YLPM1: variants seen among roughly 807,000 people sequenced by gnomAD.
YLPM1 encodes YLP motif-containing protein 1.
Under a neutral mutation model 230.0 loss-of-function variants are expected in YLPM1, and 99 were observed. The observed-to-expected ratio is 0.43, with a 90% CI of 0.37 to 0.51. The LOEUF (loss-of-function observed/expected upper bound fraction) is 0.51, where lower values mean the gene tolerates loss of function less well. Ranked by LOEUF, YLPM1 falls within the 20% of genes least tolerant of loss-of-function variation. YLPM1 has a pLI of 0.00. For synonymous variants in YLPM1, 984 were observed against 942.5 expected (o/e 1.04, Z -0.81); for missense variants, 2,592 against 2,707.7 (o/e 0.96, Z 0.95).
intron 4 of YLPM1, among the ~76,000 whole-genome samples, chr14:74,791,230 T>C (rs1041175247): frequency 3.9e-5 from 6 of 152,130 alleles, no homozygotes; most frequent in Non-Finnish European, 7.4e-5. Context: ...ATCATGCCAC[T>C]TCATTCCAGC....
intron 1 of YLPM1, among the ~76,000 whole-genome samples, chr14:74,771,428 A>G (rs2090974986): frequency 6.6e-6 from 1 of 152,182 alleles, no homozygotes; most frequent in South Asian, 2.1e-4. Flanking sequence ...AGAATGGCCA[A>G]ATAGGTATTC....
chr14:74,835,611 AAAGG>A (rs1349801546), intron 20 of YLPM1, among the ~76,000 whole-genome samples, 160 bp from the exon 21 acceptor site: 2 of 152,198 alleles, frequency 1.3e-5, no homozygotes, highest in Admixed American at 6.5e-5. Flanking sequence ...TACTATTAGA[AAAGG>A]AAGCCATTTT....
chr14:74,809,626 G>A lies in YLPM1; in HGVS notation c.4768G>A (p.Gly1590Arg), dbSNP rs1341589139. The change falls in exon 7 of 21, where the codon GGA (glycine) becomes AGA (arginine). Residue 1590 changes from glycine (G) to arginine (R), a missense_variant. Physicochemically the swap from Gly to Arg is moderately radical, Grantham distance 125. This residue lies in a region of YLPM1 where 403 missense variants were observed against 426.7 expected (regional missense o/e 0.94). Coordinates refer to ENST00000325680, the MANE Select transcript of YLPM1 (RefSeq NM_019589.3). ...GCTCTGGGATACAAATGATGAACAA[G>A]GACTGAATTCAGAATTTAAGTCAGA... ...YGLWDTNDEQ[G>R]LNSEFKSETA... is the part of the protein sequence containing the mutation. 6.2e-7 allele frequency: 1 copy of A among 1,613,974 alleles called. No homozygotes were observed. The highest frequency in any genetic ancestry group is 8.5e-7 in the Non-Finnish European group (1 of 1,179,896).
chr14:74,819,280 T>A (rs2140136055), intron 16 of YLPM1, among the ~76,000 whole-genome samples: 1 of 150,018 alleles, frequency 6.7e-6, no homozygotes, highest in African/African-American at 2.4e-5. Context: ...GTGCTTTTTT[T>A]TTTTTTTTTT....
chr14:74,810,436 A>G lies in YLPM1; in HGVS notation c.5228+16A>G, dbSNP rs372598183. ...GAGATGATAGGTATGCTATAAAACA[A>G]TCTTTGCTAGGTGTACAAATTACTG... On this transcript the variant is annotated intron_variant, in intron 9 of 20. Coordinates refer to ENST00000325680, the MANE Select transcript of YLPM1 (RefSeq NM_019589.3). The G allele has an allele frequency of 1.9e-5, 30 of 1,611,830 alleles. No individual in the cohort carries two copies. The highest frequency in any genetic ancestry group is 5.3e-5 in the African/African-American group (4 of 74,768).
chr14:74,796,311 G>T (rs757381217), intron 4 of YLPM1, among the ~76,000 whole-genome samples: 1 of 152,128 alleles, frequency 6.6e-6, no homozygotes, highest in Non-Finnish European at 1.5e-5. Context: ...CATTAGCCAT[G>T]CTAAACTATT....
At chr14:74,801,762 A>G (rs1454326064) in intron 5 of YLPM1, among the ~76,000 whole-genome samples, 1 of 152,250 alleles carries the variant, frequency 6.6e-6, no homozygotes, top group Non-Finnish European at 1.5e-5. Context: ...TGGTGTTACC[A>G]TATCTCTTTA....
chr14:74,814,713 G>A (rs2091463322), intron 11 of YLPM1, among the ~76,000 whole-genome samples: 1 of 152,174 alleles, frequency 6.6e-6, no homozygotes, highest in Non-Finnish European at 1.5e-5. Context: ...TTTCTTGTCT[G>A]TATGTGGTTT....
rs573813780 is a variant in YLPM1 at position 74,797,936 on chromosome 14, A to G, written c.2639A>G (p.Gln880Arg). 2 of 1,613,980 alleles carry G rather than the reference A, an allele frequency of 1.2e-6. No homozygotes were observed. The highest frequency in any genetic ancestry group is 2.2e-5 in the East Asian group (1 of 44,884). ...AACCAGCAGAAGAATTTTAAAATGC[A>G]ATCAGCTGCATTTTCCATTGCTGCA... ...SSNQQKNFKMQSAAFSIAADV... is the reference protein window; with the variant it reads ...SSNQQKNFKMRSAAFSIAADV... Residue 880 changes from glutamine (Q) to arginine (R), a missense_variant, in exon 5 of 21, where the codon CAA (glutamine) becomes CGA (arginine). Coordinates refer to ENST00000325680, the MANE Select transcript of YLPM1 (RefSeq NM_019589.3).
At position 74,781,596 on chromosome 14, in the gene YLPM1, C is replaced by T. The variant is rs1462598096; in HGVS notation, c.1553C>T (p.Pro518Leu). The part of the protein sequence containing the change: ...NQYMGNMSMP[P>L]PFVPYSQMPP... ...TATATGGGGAACATGTCAATGCCAC[C>T]TCCTTTTGTTCCATATTCTCAGATG... The change falls in exon 4 of 21, where the codon CCT (proline) becomes CTT (leucine). Residue 518 changes from proline (P) to leucine (L), a missense_variant. Pro to Leu is a moderately conservative substitution (Grantham distance 98, BLOSUM62 -3). Transcript: ENST00000325680. 6.2e-7 allele frequency: 1 copy of T among 1,613,948 alleles called. No homozygotes were observed. Among genetic ancestry groups the T allele is most frequent in the East Asian group, 2.2e-5 (1 of 44,882 alleles).
At chr14:74,803,610 AT>A (rs921056256) in intron 6 of YLPM1, among the ~76,000 whole-genome samples, 11 of 152,244 alleles carry the variant, frequency 7.2e-5, no homozygotes, top group Middle Eastern at 6.8e-3. Context: ...CTGTCTGTGG[AT>A]GTGACTCCTG....
chr14:74,785,685 A>G (rs2091141383), intron 4 of YLPM1, among the ~76,000 whole-genome samples: 1 of 151,716 alleles, frequency 6.6e-6, no homozygotes, highest in Admixed American at 6.5e-5. Context: ...CTGATTAGAA[A>G]AACAAGAGTT....
At chr14:74,764,758 G>T (rs2090894340) in intron 1 of YLPM1, among the ~76,000 whole-genome samples, 1 of 152,192 alleles carries the variant, frequency 6.6e-6, no homozygotes, top group Non-Finnish European at 1.5e-5. Context: ...GCCTCGCCAA[G>T]GGCTGACACT....
chr14:74,768,879 A>T (rs1463539540), intron 1 of YLPM1, among the ~76,000 whole-genome samples: 1 of 152,004 alleles, frequency 6.6e-6, no homozygotes, highest in East Asian at 1.9e-4. Flanking sequence ...GAACTGGCAA[A>T]GGCAAGTTTT....
At chr14:74,827,714 C>T (rs1162626800) in intron 18 of YLPM1, 8 of 985,260 alleles carry the variant, frequency 8.1e-6, no homozygotes, top group Non-Finnish European at 9.6e-6. Context: ...TGTGTTGGAG[C>T]TTCTGTCTCT....
chr14:74,783,479 A>G (rs1436383622), intron 4 of YLPM1, among the ~76,000 whole-genome samples: 2 of 152,196 alleles, frequency 1.3e-5, no homozygotes, highest in African/African-American at 4.8e-5. Context: ...AGAAAAGTGT[A>G]GAAAAAAGTG....
chr14:74,829,409 T>C, intron 19 of YLPM1, 66 bp downstream of exon 19: 1 of 1,598,236 alleles, frequency 6.3e-7, no homozygotes, highest in Non-Finnish European at 8.5e-7. Flanking sequence ...TTTTAGGAAG[T>C]TACAGGCAGA....
intron 18 of YLPM1, chr14:74,827,652 G>A: frequency 2.0e-6 from 2 of 985,366 alleles, no homozygotes; most frequent in Non-Finnish European, 2.4e-6. Context: ...GTATGTTAAT[G>A]TCAAAGTTGA....
At position 74,763,959 on chromosome 14, in the gene YLPM1, A is replaced by T. The variant is rs199939020; in HGVS notation, c.470A>T (p.Tyr157Phe). The T allele has an allele frequency of 1.2e-5, 15 of 1,240,520 alleles. No homozygotes were observed. The Admixed American group carries it at 2.1e-4, about 17-fold the overall frequency. 76.8% of individuals were successfully genotyped at this position (1,240,520 alleles called of 1,614,324 possible). A position where few individuals can be genotyped will look rare whatever the true frequency, so the allele number is the denominator to read the frequency against. ...TCTCCCCCTGTGCCGCCTGGGTCCT[A>T]TATGCCCCCATCTCAGTCTTACATG... is the stretch of plus-strand genomic sequence containing the variant. ...PESPPVPPGS[Y>F]MPPSQSYMPP... Residue 157 changes from tyrosine (Y) to phenylalanine (F), a missense_variant, in exon 1 of 21, where the codon TAT (tyrosine) becomes TTT (phenylalanine). Physicochemically the swap from Tyr to Phe is conservative, Grantham distance 22. Transcript: ENST00000325680.
Sources: gnomAD v4.1 joint callset for allele counts (sites outside exome capture counted in the v4.1 genomes callset) on GRCh38, gnomAD v4.1.1 for gene constraint, gnomAD v4.1.1 regional missense constraint, MANE v1.5 for transcripts, NCBI Gene and HGNC (gene_info 2026-07-23, HGNC 2026-07-21) for gene names.